MGAT5B: variants seen among roughly 807,000 people sequenced by gnomAD.
MGAT5B encodes alpha-1,6-mannosylglycoprotein 6-beta-N-acetylglucosaminyltransferase B, also known as N-acetylglucosaminyl-transferase Vb.
In MGAT5B, 54 loss-of-function variants were observed where a neutral mutation model predicts 95.1. The observed-to-expected ratio is 0.57, with a 90% CI of 0.46 to 0.71. The LOEUF (loss-of-function observed/expected upper bound fraction) is 0.71. MGAT5B is among the 30% of genes least tolerant of loss of function. MGAT5B has a pLI of 0.00. For missense variants in MGAT5B, 935 were observed against 1,088.6 expected, an observed-to-expected ratio of 0.86 and a Z score of 1.99; for synonymous variants, 464 against 451.0, an observed-to-expected ratio of 1.03 and a Z score of -0.36.
chr17:76,925,195 G>A, intron 9 of MGAT5B, 98 bp downstream of exon 9: 1 of 1,489,414 alleles, frequency 6.7e-7, no homozygotes, highest in Non-Finnish European at 9.1e-7. Flanking sequence ...AGCCAGCTGG[G>A]CCCAGGTGGG....
At chr17:76,942,535 T>G (rs1302623287) in intron 15 of MGAT5B, among the ~76,000 whole-genome samples, 3 of 151,902 alleles carry the variant, frequency 2.0e-5, no homozygotes, top group Non-Finnish European at 4.4e-5. Context: ...TCAAAAAAAT[T>G]TTAAAAAGAT....
In MGAT5B at chr17:76,914,644, CTTT is replaced by C. The variant is rs55850824; in HGVS notation, c.1025+8468_1025+8470del. On this transcript the variant is annotated intron_variant, in intron 8 of 17. Coordinates refer to ENST00000569840, the MANE Select transcript of MGAT5B (RefSeq NM_001199172.2). This position sits in a 1 kb window ranked among gnomAD's most constrained non-coding sequence, Gnocchi z 5.1. ...CTCTGTGTCCACATTTCTTCTTCCTCTTTTTTTTTTTTTGAGACAGAGTCTTGC... is the reference window on the plus strand; with the variant it reads ...CTCTGTGTCCACATTTCTTCTTCCTCTTTTTTTTTTGAGACAGAGTCTTGC... Among the ~76,000 whole-genome samples the C allele has an allele frequency of 2.7e-5, 4 of 146,172 alleles. No homozygotes were observed. The highest frequency in any genetic ancestry group is 6.8e-5 in the Admixed American group (1 of 14,780).
intron 8 of MGAT5B, chr17:76,913,916 GC>G: frequency 2.5e-6 from 1 of 401,840 alleles, no homozygotes; most frequent in African/African-American, 2.1e-5. Flanking sequence ...TTGGAGACCA[GC>G]CTGGGCAAGA....
chr17:76,930,655 C>T lies in MGAT5B; in HGVS notation c.1292-1990C>T, dbSNP rs866077687. Among the ~76,000 whole-genome samples, 1 of 152,208 alleles carries T rather than the reference C, an allele frequency of 6.6e-6. No homozygotes were observed. The stretch of plus-strand genomic sequence containing the variant: ...TTTAGCAGTCACTGCACTCCACACA[C>T]GGCCATGGAATTGGAGCGTGAGATC... On this transcript the variant is annotated intron_variant, in intron 10 of 17. Coordinates refer to ENST00000569840, the MANE Select transcript of MGAT5B (RefSeq NM_001199172.2). This position sits in a 1 kb window ranked among gnomAD's most constrained non-coding sequence, Gnocchi z 4.1.
intron 3 of MGAT5B, among the ~76,000 whole-genome samples, chr17:76,886,057 T>C (rs1967619679): frequency 6.6e-6 from 1 of 152,240 alleles, no homozygotes; most frequent in African/African-American, 2.4e-5. Context: ...TTTGCAATTT[T>C]AGCCTAGGAA....
chr17:76,905,338 G>T lies in MGAT5B; in HGVS notation c.855+5G>T. The stretch of plus-strand genomic sequence containing the variant: ...ACCCAGAGGGACCAGAAGCAGGTGC[G>T]TGGCCCCTGCCCCCTCATGTGCAGG... On this transcript the variant is annotated splice_donor_5th_base_variant and intron_variant, in intron 7 of 17. Coordinates refer to ENST00000569840, the MANE Select transcript of MGAT5B (RefSeq NM_001199172.2). This position sits in a 1 kb window ranked among gnomAD's most constrained non-coding sequence, Gnocchi z 4.2. 1 of 1,580,390 alleles carries T rather than the reference G, an allele frequency of 6.3e-7. No homozygotes were observed. Among genetic ancestry groups the T allele is most frequent in the African/African-American group, 1.4e-5 (1 of 73,980 alleles).
At chr17:76,922,742 T>C (rs1969157909) in intron 8 of MGAT5B, among the ~76,000 whole-genome samples, 1 of 152,084 alleles carries the variant, frequency 6.6e-6, no homozygotes, top group Non-Finnish European at 1.5e-5. Flanking sequence ...GTGGTCTGTG[T>C]TGGAAGGAGG....
At chr17:76,943,658 C>T (rs1969938997) in intron 15 of MGAT5B, among the ~76,000 whole-genome samples, 1 of 151,448 alleles carries the variant, frequency 6.6e-6, no homozygotes, top group Non-Finnish European at 1.5e-5. Flanking sequence ...CCAGGCCAGT[C>T]TCGAACTCCT....
In MGAT5B at chr17:76,932,875, C is replaced by T. The variant is rs539115113; in HGVS notation, c.1422+100C>T. 4.0e-4 allele frequency: 598 copies of T among 1,486,090 alleles called. 2 individuals are homozygous for T. Among genetic ancestry groups the T allele is most frequent in the Non-Finnish European group, 4.7e-4 (522 of 1,112,662 alleles). 92.1% of individuals were successfully genotyped at this position (1,486,090 alleles called of 1,614,324 possible). ...CTTCCAGGATGCGGTGCCCTCCTCCCGCCCCAGCCCTGCATGCTGGAAATG... is the reference window on the plus strand; with the variant it reads ...CTTCCAGGATGCGGTGCCCTCCTCCTGCCCCAGCCCTGCATGCTGGAAATG... On this transcript the variant is annotated intron_variant, in intron 11 of 17. Transcript: ENST00000569840.
chr17:76,905,171 A>G lies in MGAT5B; in HGVS notation c.693A>G (p.Ala231=), dbSNP rs747165227. ...AGCTGAGGTCTGGACCCCTCCAGGC[A>G]GTTTTCCGAAGCAACCTGTCCCACC... ...RAPKPLPKVQ[A]VFRSNLSHLL... The change falls in exon 7 of 18, where the codon GCA becomes GCG. Residue 231 remains alanine (A), a splice_region_variant and synonymous_variant. Coordinates refer to ENST00000569840, the MANE Select transcript of MGAT5B (RefSeq NM_001199172.2). This position sits in a 1 kb window ranked among gnomAD's most constrained non-coding sequence, Gnocchi z 4.2. 1 of 1,609,228 alleles carries G rather than the reference A, an allele frequency of 6.2e-7. No homozygotes were observed. Among genetic ancestry groups the G allele is most frequent in the Admixed American group, 1.7e-5 (1 of 59,802 alleles).
chr17:76,899,696 GA>G (rs1306817959), intron 3 of MGAT5B, among the ~76,000 whole-genome samples: 4 of 152,044 alleles, frequency 2.6e-5, no homozygotes, highest in Non-Finnish European at 5.9e-5. Flanking sequence ...CCTGTCAAAG[GA>G]GTGTCCATCT....
In MGAT5B at chr17:76,921,003, C is replaced by T. The variant is rs540724771; in HGVS notation, c.1026-3963C>T. Among the ~76,000 whole-genome samples, 4 of 152,318 alleles carry T rather than the reference C, an allele frequency of 2.6e-5. No homozygotes were observed. The East Asian group carries it at 7.7e-4, about 29-fold the overall frequency. ...CTGACCCTGCCCTCCTCAAAGGGGCCTCCAGGTGGGAAGAGGTGACTTGGG... is the reference window on the plus strand; with the variant it reads ...CTGACCCTGCCCTCCTCAAAGGGGCTTCCAGGTGGGAAGAGGTGACTTGGG... On this transcript the variant is annotated intron_variant, in intron 8 of 17. Transcript: ENST00000569840.
At position 76,905,007 on chromosome 17, in the gene MGAT5B, G is replaced by A. The variant is rs1019450769; in HGVS notation, c.691-162G>A. The stretch of plus-strand genomic sequence containing the variant: ...GAGGGTGTGTTGACAGGGCGGGCAG[G>A]GCTCCCTGGTTTTGGGGGCTAATGA... On this transcript the variant is annotated intron_variant, in intron 6 of 17. Transcript: ENST00000569840. The surrounding 1 kb of genome is among the most constrained non-coding windows in gnomAD (Gnocchi z 4.2). Among the ~76,000 whole-genome samples, 1 of 152,222 alleles carries A rather than the reference G, an allele frequency of 6.6e-6. No homozygotes were observed. The highest frequency in any genetic ancestry group is 2.4e-5 in the African/African-American group (1 of 41,456).
intron 12 of MGAT5B, 24 bp from the exon 13 acceptor site, chr17:76,937,964 C>T: frequency 6.2e-7 from 1 of 1,610,386 alleles, no homozygotes; most frequent in Non-Finnish European, 8.5e-7. Context: ...ATGTGGTTCC[C>T]ATCTCCTCCT....
chr17:76,907,577 G>A (rs1217009290), intron 8 of MGAT5B, among the ~76,000 whole-genome samples: 1 of 152,162 alleles, frequency 6.6e-6, no homozygotes, highest in African/African-American at 2.4e-5. Flanking sequence ...ATATTCCATT[G>A]TGTGAATGTG....
intron 3 of MGAT5B, among the ~76,000 whole-genome samples, chr17:76,895,352 C>T (rs1968028499): frequency 1.3e-5 from 2 of 152,156 alleles, no homozygotes; most frequent in South Asian, 4.2e-4. Flanking sequence ...AATGTACAGT[C>T]AATGTAATAT....
At chr17:76,934,258 T>C (rs1057509476) in intron 12 of MGAT5B, among the ~76,000 whole-genome samples, 1 of 152,164 alleles carries the variant, frequency 6.6e-6, no homozygotes, top group Non-Finnish European at 1.5e-5. Flanking sequence ...ATGAGGTAGG[T>C]GCTGCATGTG....
At chr17:76,927,338 C>A (rs1383603043) in intron 10 of MGAT5B, among the ~76,000 whole-genome samples, 1 of 152,106 alleles carries the variant, frequency 6.6e-6, no homozygotes. Flanking sequence ...CTCCTGGGCT[C>A]AAGTGATCCT....
chr17:76,924,099 G>C (rs12449381), intron 8 of MGAT5B: 66,935 of 152,288 alleles, frequency 0.44, 16,007 homozygotes, highest in Non-Finnish European at 0.53. Context: ...TGGCAGGGGG[G>C]GTTGTGGGCA....
Sources: allele counts gnomAD v4.1 joint callset (sites outside exome capture counted in the v4.1 genomes callset), GRCh38; gene constraint gnomAD v4.1.1; non-coding constraint Gnocchi (gnomAD v3.1); transcripts MANE v1.5; gene names NCBI Gene and HGNC (gene_info 2026-07-23, HGNC 2026-07-21).